Variants in ADAMTS18 observed in about 807,000 individuals in gnomAD.
ADAMTS18 encodes A disintegrin and metalloproteinase with thrombospondin motifs 18.
In ADAMTS18, 157 loss-of-function variants were observed where a neutral mutation model predicts 165.9. The observed-to-expected ratio is 0.95, with a 90% CI of 0.83 to 1.08. The LOEUF (loss-of-function observed/expected upper bound fraction) is 1.08, where lower values mean the gene tolerates loss of function less well. Among genes scored for constraint, ADAMTS18 ranks in the 50% least tolerant of loss-of-function variants. ADAMTS18 has a pLI of 0.00. For synonymous variants in ADAMTS18, 782 were observed against 578.2 expected, an observed-to-expected ratio of 1.35 and a Z score of -5.06; for missense variants, 2,040 against 1,534.0, an observed-to-expected ratio of 1.33 and a Z score of -5.51.
intron 16 of ADAMTS18, among the ~76,000 whole-genome samples, chr16:77,304,475 T>A (rs1205481347): frequency 2.0e-5 from 3 of 152,092 alleles, no homozygotes; most frequent in Non-Finnish European, 4.4e-5. Context: ...ACAAAAACAA[T>A]CAAATACTTC....
intron 20 of ADAMTS18, among the ~76,000 whole-genome samples, chr16:77,292,242 G>A (rs2055377967): frequency 6.6e-6 from 1 of 152,180 alleles, no homozygotes; most frequent in South Asian, 2.1e-4. Context: ...AGGCTGCAGT[G>A]AGCTGAGATT....
intron 9 of ADAMTS18, among the ~76,000 whole-genome samples, chr16:77,354,220 TC>T (rs1464282537): frequency 5.3e-5 from 8 of 152,218 alleles, no homozygotes; most frequent in African/African-American, 1.9e-4. Context: ...TTGTACTGAG[TC>T]CCTACTCTGT....
At chr16:77,400,176 T>C (rs1027971866) in intron 3 of ADAMTS18, among the ~76,000 whole-genome samples, 3 of 152,164 alleles carry the variant, frequency 2.0e-5, no homozygotes, top group African/African-American at 7.2e-5. Flanking sequence ...CCATTCCCTA[T>C]AGGCTCCTCA....
chr16:77,405,594 C>G (rs1832674802), intron 3 of ADAMTS18, among the ~76,000 whole-genome samples: 1 of 152,204 alleles, frequency 6.6e-6, no homozygotes, highest in African/African-American at 2.4e-5. Flanking sequence ...TGATTAACCT[C>G]TTGTATTGTC....
At chr16:77,321,056 T>C (rs1228731178) in intron 15 of ADAMTS18, 23 bp downstream of exon 15, 1 of 1,614,122 alleles carries the variant, frequency 6.2e-7, no homozygotes, top group South Asian at 1.1e-5. Flanking sequence ...TCATTAACAA[T>C]AACAAACAGC....
chr16:77,432,963 TTTC>T (rs1248973604), intron 2 of ADAMTS18, among the ~76,000 whole-genome samples: 3 of 152,316 alleles, frequency 2.0e-5, no homozygotes, highest in African/African-American at 7.2e-5. Context: ...CACTCCCATT[TTTC>T]TTCTTGACTC....
chr16:77,336,441 T>C (rs776428547), intron 11 of ADAMTS18, among the ~76,000 whole-genome samples: 1 of 152,212 alleles, frequency 6.6e-6, no homozygotes, highest in Non-Finnish European at 1.5e-5. Context: ...ATACATTATA[T>C]TTTTGCTTAT....
chr16:77,371,996 CATGGCCAACAGGGGTATATGAAAAAA>C (rs1314306578), intron 3 of ADAMTS18, among the ~76,000 whole-genome samples: 8 of 152,072 alleles, frequency 5.3e-5, no homozygotes, highest in African/African-American at 1.9e-4. Context: ...AAGACATATA[CATGGCCAACAGGGGTATATGAAAAAA>C]ATGCTCAACA....
At chr16:77,344,428 G>A (rs900773476) in intron 10 of ADAMTS18, among the ~76,000 whole-genome samples, 12 of 152,048 alleles carry the variant, frequency 7.9e-5, no homozygotes, top group East Asian at 1.9e-4. Context: ...TCATCGCTAC[G>A]TGTTGTCGTA....
chr16:77,300,151 A>C, intron 17 of ADAMTS18, 112 bp downstream of exon 17: 1 of 1,302,014 alleles, frequency 7.7e-7, no homozygotes, highest in Non-Finnish European at 1.1e-6. Flanking sequence ...GTTCTCATAA[A>C]AGACAGTTCT....
In ADAMTS18 at chr16:77,282,448, T is replaced by C. The variant is rs570397492; in HGVS notation, c.*1508A>G. 3.0e-4 allele frequency: 46 copies of C among 152,486 alleles called. No homozygotes were observed. The highest frequency in any genetic ancestry group is 1.1e-3 in the African/African-American group (45 of 41,582). The allele number at this position is 152,486 out of a possible 1,614,324, so 9.4% of individuals were successfully genotyped here. ...CCAAGCCAAGCAGATTGAGAGAAGT[T>C]CCTAAGCATTATTTCTCTGGGATTC... is the stretch of plus-strand genomic sequence containing the variant. On this transcript the variant is annotated 3_prime_UTR_variant, in exon 23 of 23. Coordinates refer to ENST00000282849, the MANE Select transcript of ADAMTS18 (RefSeq NM_199355.4).
intron 3 of ADAMTS18, among the ~76,000 whole-genome samples, chr16:77,381,359 C>T (rs1339228128): frequency 6.6e-6 from 1 of 152,154 alleles, no homozygotes; most frequent in African/African-American, 2.4e-5. Flanking sequence ...AACAACAAAC[C>T]AGTTTTGGGC....
Position 77,379,651 on chromosome 16 carries a change from G to A in ADAMTS18, c.496-11928C>T, listed in dbSNP as rs146083753. Among the ~76,000 whole-genome samples, 814 of 152,196 alleles carry A rather than the reference G, an allele frequency of 5.3e-3. 12 individuals are homozygous for A. Among genetic ancestry groups the A allele is most frequent in the African/African-American group, 0.019 (773 of 41,534 alleles). On this transcript the variant is annotated intron_variant, in intron 3 of 22. Coordinates refer to ENST00000282849, the MANE Select transcript of ADAMTS18 (RefSeq NM_199355.4). ...CTACAGGTGCGTGCCACCACACCTG[G>A]CTAATATTTTGTATTTTTTGGTAGA...
At chr16:77,296,029 T>C (rs1033175331) in intron 18 of ADAMTS18, among the ~76,000 whole-genome samples, 11 of 151,816 alleles carry the variant, frequency 7.2e-5, no homozygotes, top group African/African-American at 4.8e-5. Context: ...TATATATATA[T>C]ACACACACAT....
intron 7 of ADAMTS18, among the ~76,000 whole-genome samples, chr16:77,361,123 C>T (rs1201367584): frequency 6.6e-6 from 1 of 152,034 alleles, no homozygotes. Flanking sequence ...TTTATTAAAA[C>T]ACATCTGCAT....
At chr16:77,307,638 G>T (rs1334415209) in intron 16 of ADAMTS18, among the ~76,000 whole-genome samples, 1 of 152,142 alleles carries the variant, frequency 6.6e-6, no homozygotes, top group Non-Finnish European at 1.5e-5. Flanking sequence ...ACGTGCCATC[G>T]CAAAAGTACC....
Position 77,431,780 on chromosome 16 carries a change from C to T in ADAMTS18, c.179-169G>A, listed in dbSNP as rs2144869173. ...GCAGCACAGGCAGCAGAAGACCTGT[C>T]TCTACAACTAACTCGGCCACAGTCA... On this transcript the variant is annotated intron_variant, in intron 2 of 22. Coordinates refer to ENST00000282849, the MANE Select transcript of ADAMTS18 (RefSeq NM_199355.4). 4.2e-6 allele frequency: 3 copies of T among 722,616 alleles called. No individual in the cohort carries two copies. In the South Asian group the frequency reaches 4.7e-5, roughly 11 times the overall value. 44.8% of individuals were successfully genotyped at this position (722,616 alleles called of 1,614,324 possible).
intron 3 of ADAMTS18, among the ~76,000 whole-genome samples, chr16:77,429,071 C>G (rs1490334918): frequency 6.6e-6 from 1 of 152,154 alleles, no homozygotes; most frequent in African/African-American, 2.4e-5. Context: ...ACCATTCAAC[C>G]TAGCAGTCCC....
intron 16 of ADAMTS18, among the ~76,000 whole-genome samples, chr16:77,312,276 G>A (rs1020623498): frequency 3.3e-5 from 5 of 149,574 alleles, no homozygotes; most frequent in Non-Finnish European, 7.4e-5. Context: ...TGTTCTCGTC[G>A]CCCAGGCTGG....
Sources: allele counts gnomAD v4.1 joint callset (sites outside exome capture counted in the v4.1 genomes callset), GRCh38; gene constraint gnomAD v4.1.1; transcripts MANE v1.5; gene names NCBI Gene and HGNC (gene_info 2026-07-23, HGNC 2026-07-21).